ERG: variants seen among roughly 807,000 people sequenced by gnomAD.
ERG encodes the protein ETS transcription factor ERG.
ERG carries 9 observed loss-of-function variants against 55.3 expected under a neutral mutation model. That is an observed-to-expected ratio of 0.16 (90% confidence interval 0.10 to 0.28). The LOEUF is 0.28. ERG is among the 10% of genes least tolerant of loss of function. The probability of loss-of-function intolerance (pLI) is 1.00; values close to 1 mark genes in which losing one functional copy is unlikely to be tolerated. For synonymous variants in ERG, 223 were observed against 237.3 expected, an observed-to-expected ratio of 0.94 and a Z score of 0.55; for missense variants, 434 against 631.6, an observed-to-expected ratio of 0.69 and a Z score of 3.35.
At chr21:38,593,450 TAAGAA>T (rs2060113216) in intron 1 of ERG, among the ~76,000 whole-genome samples, 1 of 152,242 alleles carries the variant, frequency 6.6e-6, no homozygotes, top group Non-Finnish European at 1.5e-5. Flanking sequence ...TATGTATTTC[TAAGAA>T]AGTTCATCAA....
intron 1 of ERG, among the ~76,000 whole-genome samples, chr21:38,627,474 C>T (rs184985713): frequency 1.3e-5 from 2 of 149,058 alleles, no homozygotes; most frequent in East Asian, 3.9e-4. Context: ...CAACAACCTG[C>T]TTCTTTTCTT....
At chr21:38,451,806 AT>A (rs1190312537) in intron 1 of ERG, among the ~76,000 whole-genome samples, 1 of 152,184 alleles carries the variant, frequency 6.6e-6, no homozygotes, top group African/African-American at 2.4e-5. Flanking sequence ...TGCAATTCTG[AT>A]GCCACCAGTA....
chr21:38,368,584 G>A, the ERG span, among the ~76,000 whole-genome samples: 4 of 152,130 alleles, frequency 2.6e-5, no homozygotes, highest in African/African-American at 7.2e-5. Flanking sequence ...TTTGAGCAGG[G>A]ACATAGATCC....
chr21:38,577,145 T>G (rs1224378732), intron 1 of ERG, among the ~76,000 whole-genome samples: 1 of 152,208 alleles, frequency 6.6e-6, no homozygotes, highest in African/African-American at 2.4e-5. Flanking sequence ...GAAGGCTGTC[T>G]TTCAAATTTG....
At chr21:38,375,529 T>C (rs1490561320), downstream of ERG, among the ~76,000 whole-genome samples, 2 of 152,178 alleles carry the variant, frequency 1.3e-5, no homozygotes, top group African/African-American at 4.8e-5. Flanking sequence ...TGATTTTATC[T>C]TGGATGCTAA....
intron 1 of ERG, among the ~76,000 whole-genome samples, chr21:38,467,344 C>T (rs1266411306): frequency 6.6e-6 from 1 of 152,152 alleles, no homozygotes; most frequent in Non-Finnish European, 1.5e-5. Flanking sequence ...CTCCTCCTAG[C>T]TAGCTCCGGA....
intron 1 of ERG, among the ~76,000 whole-genome samples, chr21:38,612,663 CTTTT>C (rs869196064): frequency 7.2e-6 from 1 of 137,954 alleles, no homozygotes; most frequent in Admixed American, 7.3e-5. Context: ...TTGACATTTC[CTTTT>C]TTTTTTTTTT....
At chr21:38,404,506 G>A (rs939401866) in intron 3 of ERG, among the ~76,000 whole-genome samples, 3 of 152,172 alleles carry the variant, frequency 2.0e-5, no homozygotes, top group South Asian at 2.1e-4. Flanking sequence ...CAACAGAAAC[G>A]CCAGCCGGGA....
chr21:38,491,560 T>C (rs1195892112), intron 1 of ERG, among the ~76,000 whole-genome samples: 1 of 152,250 alleles, frequency 6.6e-6, no homozygotes. Flanking sequence ...GTTAATGTTA[T>C]GATTGGATTC....
chr21:38,513,983 T>C lies in ERG; in HGVS notation c.-41+61679A>G, dbSNP rs140254887. Among the ~76,000 whole-genome samples, 269 of 152,042 alleles carry C rather than the reference T, an allele frequency of 1.8e-3. 1 individual carries two copies. The highest frequency in any genetic ancestry group is 6.1e-3 in the African/African-American group (253 of 41,496). ...GATGCTGTAGACATTGGAAGGATAA[T>C]AGAATATTATGATCAATTTCCTATC... On this transcript the variant is annotated intron_variant, in intron 2 of 8. Coordinates refer to the ERG transcript ENST00000398897.
chr21:38,604,639 T>C (rs558443895), intron 1 of ERG, among the ~76,000 whole-genome samples: 13 of 152,324 alleles, frequency 8.5e-5, no homozygotes, highest in South Asian at 2.1e-4. Flanking sequence ...TTTCCAAAAA[T>C]AGTCAAATAA....
chr21:38,392,819 G>A (rs1988038564), intron 6 of ERG, among the ~76,000 whole-genome samples: 2 of 152,180 alleles, frequency 1.3e-5, no homozygotes, highest in South Asian at 4.1e-4. Context: ...CCAAAGCAGA[G>A]TCTACAACTT....
intron 2 of ERG, among the ~76,000 whole-genome samples, chr21:38,557,282 C>T (rs1422717478): frequency 6.6e-6 from 1 of 152,100 alleles, no homozygotes; most frequent in Non-Finnish European, 1.5e-5. Flanking sequence ...AATATGCATT[C>T]CTGAAAAGTT....
chr21:38,591,726 A>G (rs71316650), intron 1 of ERG, among the ~76,000 whole-genome samples: 1 of 152,182 alleles, frequency 6.6e-6, no homozygotes, highest in Non-Finnish European at 1.5e-5. Context: ...AACCAAAAAA[A>G]CAATGAAAAC....
intron 2 of ERG, among the ~76,000 whole-genome samples, chr21:38,573,480 T>C (rs544440430): frequency 6.6e-6 from 1 of 152,314 alleles, no homozygotes; most frequent in South Asian, 2.1e-4. Flanking sequence ...AGGTGAGACA[T>C]GTTTACAGCA....
chr21:38,616,355 G>A (rs1378422178), intron 1 of ERG, among the ~76,000 whole-genome samples: 1 of 152,108 alleles, frequency 6.6e-6, no homozygotes, highest in African/African-American at 2.4e-5. Context: ...GTACGGCAAA[G>A]CACCTAGTGA....
At chr21:38,424,560 T>C (rs903045599) in intron 2 of ERG, among the ~76,000 whole-genome samples, 2 of 152,144 alleles carry the variant, frequency 1.3e-5, no homozygotes, top group Non-Finnish European at 2.9e-5. Flanking sequence ...CAGGGAACAG[T>C]GAACTGCTCT....
intron 6 of ERG, chr21:38,400,197 A>T: frequency 7.0e-6 from 3 of 430,254 alleles, no homozygotes; most frequent in Non-Finnish European, 1.3e-5. Context: ...CTTGTGACAT[A>T]CTGATAATCG....
chr21:38,626,854 A>T (rs1005481315), intron 1 of ERG, among the ~76,000 whole-genome samples: 2 of 152,200 alleles, frequency 1.3e-5, no homozygotes, highest in African/African-American at 2.4e-5. Flanking sequence ...CCAAATGATG[A>T]CAAAGAAGTT....
Sources: allele counts gnomAD v4.1 joint callset (sites outside exome capture counted in the v4.1 genomes callset), GRCh38; gene constraint gnomAD v4.1.1; transcripts MANE v1.5; gene names NCBI Gene and HGNC (gene_info 2026-07-23, HGNC 2026-07-21).